NCKAP5: variants seen among roughly 807,000 people sequenced by gnomAD.
The protein encoded by NCKAP5 is NCK associated protein 5.
A neutral mutation model predicts 167.0 loss-of-function variants in NCKAP5; 92 were observed. The ratio of observed to expected loss-of-function variants is 0.55; its 90% CI spans 0.47 to 0.66. The LOEUF (loss-of-function observed/expected upper bound fraction) is 0.66. Among genes scored for constraint, NCKAP5 ranks in the 30% least tolerant of loss-of-function variants. The pLI is 0.00. For synonymous variants in NCKAP5, 891 were observed against 877.4 expected (o/e 1.02, Z -0.27); for missense variants, 2,378 against 2,315.0 (o/e 1.03, Z -0.56).
At chr2:132,970,856 GGCTCTTCATGGATGGCCA>G in intron 7 of NCKAP5, among the ~76,000 whole-genome samples, 1 of 152,164 alleles carries the variant, frequency 6.6e-6, no homozygotes, top group African/African-American at 2.4e-5. Context: ...AGGACAGCAT[GGCTCTTCATGGATGGCCA>G]GCTGCTGCTC....
Position 133,309,070 on chromosome 2 carries a change from G to A in NCKAP5, c.70-5960C>T, listed in dbSNP as rs1014875093. On this transcript the variant is annotated intron_variant, in intron 3 of 19. Transcript: ENST00000409261. The stretch of plus-strand genomic sequence containing the variant: ...ATAATAAAGTAGAAAACAGTGTAAT[G>A]CTAAGTGAAAGAAGGATAAAAAAAC... Among the ~76,000 whole-genome samples the A allele has an allele frequency of 3.3e-5, 5 of 152,084 alleles. No homozygotes were observed. The East Asian group carries it at 7.7e-4, about 23-fold the overall frequency.
intron 6 of NCKAP5, among the ~76,000 whole-genome samples, chr2:133,066,956 G>T (rs548152786): frequency 6.6e-6 from 1 of 152,298 alleles, no homozygotes; most frequent in South Asian, 2.1e-4. Context: ...ACATTCAAGT[G>T]GTTTCTTGAG....
At chr2:132,928,773 C>A (rs537094139) in intron 8 of NCKAP5, among the ~76,000 whole-genome samples, 2 of 152,106 alleles carry the variant, frequency 1.3e-5, no homozygotes, top group African/African-American at 2.4e-5. Flanking sequence ...CAGACAGAAG[C>A]AAACTATCAA....
intron 2 of NCKAP5, among the ~76,000 whole-genome samples, chr2:133,519,596 C>T (rs1684308210): frequency 6.6e-6 from 1 of 152,142 alleles, no homozygotes; most frequent in South Asian, 2.1e-4. Context: ...CAAAAACACA[C>T]CCTCCTAAGT....
chr2:133,620,187 A>AG, the NCKAP5 span, among the ~76,000 whole-genome samples: 2 of 151,620 alleles, frequency 1.3e-5, no homozygotes, highest in Admixed American at 6.6e-5. Context: ...ATGAAAAAAA[A>AG]AGGTATTCAG....
chr2:133,153,824 T>C (rs1395857933), intron 5 of NCKAP5, among the ~76,000 whole-genome samples: 1 of 141,168 alleles, frequency 7.1e-6, no homozygotes, highest in African/African-American at 2.7e-5. Context: ...CTTCAAATAG[T>C]TCCTCCTTCT....
At position 132,783,805 on chromosome 2, in the gene NCKAP5, C is replaced by T. The variant is rs753795043; in HGVS notation, c.3006G>A (p.Lys1002=). Residue 1002 remains lysine, a synonymous_variant, in exon 14 of 20, where the codon AAG becomes AAA. Coordinates refer to ENST00000409261, the MANE Select transcript of NCKAP5 (RefSeq NM_207363.3). The part of the protein sequence containing the change: ...QRKKPSVAFK[K]PIFTHPMPSP... ...AGGGCATAGGGTGAGTGAAGATAGG[C>T]TTTTTGAAGGCCACAGAAGGTTTCT... The T allele has an allele frequency of 6.5e-7, 1 of 1,538,494 alleles. No individual in the cohort carries two copies. The highest frequency in any genetic ancestry group is 8.7e-7 in the Non-Finnish European group (1 of 1,144,822).
chr2:133,458,253 G>A (rs1334223797), intron 3 of NCKAP5, among the ~76,000 whole-genome samples: 1 of 152,074 alleles, frequency 6.6e-6, no homozygotes, highest in Admixed American at 6.6e-5. Flanking sequence ...GAGAGAATAA[G>A]GTGCTAATAT....
intron 8 of NCKAP5, among the ~76,000 whole-genome samples, chr2:132,881,318 G>C (rs1471660553): frequency 6.6e-6 from 1 of 151,852 alleles, no homozygotes; most frequent in African/African-American, 2.4e-5. Flanking sequence ...GGGATTACAG[G>C]TGACCACCAC....
intron 8 of NCKAP5, among the ~76,000 whole-genome samples, chr2:132,920,112 C>T (rs1365955153): frequency 6.6e-6 from 1 of 150,908 alleles, no homozygotes; most frequent in African/African-American, 2.5e-5. Context: ...ATTCCCCTCT[C>T]CCCCTTGCCA....
chr2:133,389,139 C>T (rs550926925), intron 3 of NCKAP5, among the ~76,000 whole-genome samples: 1 of 152,334 alleles, frequency 6.6e-6, no homozygotes, highest in South Asian at 2.1e-4. Context: ...ATGCTGGGAG[C>T]TGTACACTGG....
intron 3 of NCKAP5, among the ~76,000 whole-genome samples, chr2:133,396,769 T>A (rs1687755836): frequency 6.6e-6 from 1 of 152,170 alleles, no homozygotes; most frequent in Admixed American, 6.5e-5. Context: ...TTTTAACACA[T>A]AAATTTTTGG....
the NCKAP5 span, among the ~76,000 whole-genome samples, chr2:133,641,219 T>C: frequency 6.6e-6 from 1 of 152,240 alleles, no homozygotes; most frequent in Non-Finnish European, 1.5e-5. Flanking sequence ...TGCTTTCTCA[T>C]AGTAAAATGG....
At chr2:133,474,958 G>A (rs181754395) in intron 3 of NCKAP5, among the ~76,000 whole-genome samples, 86 of 152,148 alleles carry the variant, frequency 5.7e-4, no homozygotes, top group African/African-American at 1.9e-3. Flanking sequence ...TTACAGGTGC[G>A]TGCCACCAAG....
chr2:132,833,762 G>A (rs1420791151), intron 11 of NCKAP5, among the ~76,000 whole-genome samples: 1 of 151,980 alleles, frequency 6.6e-6, no homozygotes, highest in Non-Finnish European at 1.5e-5. Context: ...ATTACTATAG[G>A]CTTGTAATAT....
chr2:133,299,304 G>A (rs77376155), intron 4 of NCKAP5, among the ~76,000 whole-genome samples: 3,890 of 152,222 alleles, frequency 0.026, 161 homozygotes, highest in African/African-American at 0.089. Context: ...TTACAGTGGC[G>A]CAACAAGAAG....
chr2:133,470,936 A>G (rs912159146), intron 3 of NCKAP5, among the ~76,000 whole-genome samples: 1 of 152,230 alleles, frequency 6.6e-6, no homozygotes, highest in African/African-American at 2.4e-5. Flanking sequence ...AGATGAACCC[A>G]GTACGTCAGA....
the NCKAP5 span, among the ~76,000 whole-genome samples, chr2:133,663,799 A>T: frequency 2.1e-4 from 32 of 152,248 alleles, no homozygotes; most frequent in African/African-American, 7.7e-4. Flanking sequence ...AAAGTCATCC[A>T]TGAAGGTGAA....
chr2:132,783,420 G>A lies in NCKAP5; in HGVS notation c.3391C>T (p.Pro1131Ser), dbSNP rs1304756496. 2.5e-6 allele frequency: 4 copies of A among 1,588,228 alleles called. No homozygotes were observed. The highest frequency in any genetic ancestry group is 1.3e-5 in the African/African-American group (1 of 74,088). Residue 1131 changes from proline to serine, a missense_variant, in exon 14 of 20, where the codon CCT becomes TCT. Pro to Ser is a moderately conservative substitution (Grantham distance 74). This residue lies in a region of NCKAP5 where 1,325 missense variants were observed against 1,274.5 expected (regional missense o/e 1.04). Coordinates refer to ENST00000409261, the MANE Select transcript of NCKAP5 (RefSeq NM_207363.3). Reference protein sequence around the residue: ...SSSPAKSHNSPHGCQSAHEKG... With the variant: ...SSSPAKSHNSSHGCQSAHEKG... ...TCATGAGCACTTTGACAACCATGAGGGCTGTTATGGCTTTTGGCGGGTGAT... is the reference window on the plus strand; with the variant it reads ...TCATGAGCACTTTGACAACCATGAGAGCTGTTATGGCTTTTGGCGGGTGAT...
Sources: gnomAD v4.1 joint callset for allele counts (sites outside exome capture counted in the v4.1 genomes callset) on GRCh38, gnomAD v4.1.1 for gene constraint, gnomAD v4.1.1 regional missense constraint, MANE v1.5 for transcripts, NCBI Gene and HGNC (gene_info 2026-07-23, HGNC 2026-07-21) for gene names.